Variants in SSMEM1 observed in about 807,000 individuals in gnomAD.
SSMEM1 encodes the protein serine rich single-pass membrane protein 1.
In SSMEM1, 12 loss-of-function variants were observed where a neutral mutation model predicts 9.9. The observed-to-expected ratio is 1.21, with a 90% CI of 0.78 to 1.96. The LOEUF (loss-of-function observed/expected upper bound fraction) is 1.96, where lower values mean the gene tolerates loss of function less well. Among genes scored for constraint, SSMEM1 ranks in the 30% most tolerant of loss-of-function variants. The pLI is 0.00. For missense variants in SSMEM1, 259 were observed against 292.2 expected (o/e 0.89, Z 0.83); for synonymous variants, 96 against 98.9 (o/e 0.97, Z 0.17).
Position 130,208,012 on chromosome 7 carries a change from T to A in SSMEM1, c.102T>A (p.Ser34=). Residue 34 remains serine, a synonymous_variant, in exon 1 of 3, where the codon TCT becomes TCA. Coordinates refer to ENST00000297819, the MANE Select transcript of SSMEM1 (RefSeq NM_145268.4). ...NQDYECWKDD[S]CGTIGSFLLW... Reference sequence around the variant, plus strand: ...ATTATGAATGCTGGAAGGATGACTCTTGTGGAACCATAGGGAGCTTCCTGC... The same window carrying A: ...ATTATGAATGCTGGAAGGATGACTCATGTGGAACCATAGGGAGCTTCCTGC... 1 of 1,614,120 alleles carries A rather than the reference T, an allele frequency of 6.2e-7. No individual in the cohort carries two copies. Among genetic ancestry groups the A allele is most frequent in the Non-Finnish European group, 8.5e-7 (1 of 1,179,994 alleles).
At chr7:130,206,857 G>T, upstream of SSMEM1, 1 of 195,714 alleles carries the variant, frequency 5.1e-6, no homozygotes, top group Admixed American at 6.3e-5. Flanking sequence ...GTGGTGGCAT[G>T]CGCCTGTAAT....
intron 1 of SSMEM1, among the ~76,000 whole-genome samples, chr7:130,209,576 AT>A (rs939469761): frequency 6.6e-6 from 1 of 151,912 alleles, no homozygotes; most frequent in Non-Finnish European, 1.5e-5. Context: ...GGTCTAAGCT[AT>A]TTTTTTTATT....
At chr7:130,210,497 C>G (rs1798571287) in intron 1 of SSMEM1, among the ~76,000 whole-genome samples, 1 of 152,204 alleles carries the variant, frequency 6.6e-6, no homozygotes, top group Non-Finnish European at 1.5e-5. Flanking sequence ...TGCTTTCAGA[C>G]TATAAATACT....
intron 2 of SSMEM1, among the ~76,000 whole-genome samples, chr7:130,214,595 G>C (rs973196023): frequency 6.6e-6 from 1 of 152,156 alleles, no homozygotes; most frequent in Non-Finnish European, 1.5e-5. Context: ...TGATGAACAA[G>C]TATAGTTCCA....
chr7:130,207,806 T>A (rs932692157), upstream of SSMEM1: 3 of 1,234,734 alleles, frequency 2.4e-6, no homozygotes, highest in African/African-American at 4.4e-5. Context: ...GTATGTGTCA[T>A]AATAGGTTGC....
chr7:130,215,835 C>G (rs1206442832), intron 2 of SSMEM1, 139 bp from the exon 3 acceptor site: 1 of 1,135,512 alleles, frequency 8.8e-7, no homozygotes, highest in Non-Finnish European at 1.3e-6. Context: ...GCTGCCAACA[C>G]TTGCAGGTGA....
Position 130,215,969 on chromosome 7 carries a change from G to A in SSMEM1, c.239-5G>A. The stretch of plus-strand genomic sequence containing the variant: ...ACTAACTTGATATGTTTCATTGGTT[G>A]TTAGCAAGCAAAGAGACTTCCTGTA... On this transcript the variant is annotated splice_polypyrimidine_tract_variant and splice_region_variant and intron_variant, in intron 2 of 2. Transcript: ENST00000297819. 1 of 1,612,740 alleles carries A rather than the reference G, an allele frequency of 6.2e-7. No homozygotes were observed. Among genetic ancestry groups the A allele is most frequent in the Non-Finnish European group, 8.5e-7 (1 of 1,179,362 alleles).
rs779494195 is a variant in SSMEM1, at chr7:130,213,480, A to G, written c.184A>G (p.Met62Val). ...TTACTAACCTATGTTTCTGAAACAG[A>G]TGTCTGAGGATAAAAAGGATGAAGG... The part of the protein sequence containing the change: ...LMFFSRASVW[M>V]SEDKKDEGSG... Residue 62 changes from methionine to valine, a missense_variant and splice_region_variant, in exon 2 of 3, where the codon ATG (methionine) becomes GTG (valine). Physicochemically the swap from Met to Val is conservative, Grantham distance 21. Coordinates refer to ENST00000297819, the MANE Select transcript of SSMEM1 (RefSeq NM_145268.4). 6.2e-7 allele frequency: 1 copy of G among 1,610,142 alleles called. No homozygotes were observed. The highest frequency in any genetic ancestry group is 8.5e-7 in the Non-Finnish European group (1 of 1,177,518).
upstream of SSMEM1, chr7:130,207,629 T>C: frequency 4.3e-6 from 2 of 466,134 alleles, no homozygotes; most frequent in Non-Finnish European, 7.9e-6. Flanking sequence ...GACGTGAAGA[T>C]AGGAAAATAT....
chr7:130,207,864 A>G lies in SSMEM1; in HGVS notation c.-47A>G, dbSNP rs759552553. 1.9e-6 allele frequency: 3 copies of G among 1,599,678 alleles called. No homozygotes were observed. The South Asian group carries it at 3.3e-5, about 18-fold the overall frequency. ...AGAGGGAGTGAAGTAGTTCCCAGTC[A>G]TCTTTATCCCTTTAAGCATGGTTTA... On this transcript the variant is annotated 5_prime_UTR_variant, in exon 1 of 3. Coordinates refer to ENST00000297819, the MANE Select transcript of SSMEM1 (RefSeq NM_145268.4).
In SSMEM1 at chr7:130,211,005, A is replaced by G. The variant is rs142424912; in HGVS notation, c.184-2475A>G. Among the ~76,000 whole-genome samples the G allele has an allele frequency of 5.6e-3, 854 of 152,262 alleles. 3 individuals are homozygous for G. Among genetic ancestry groups the G allele is most frequent in the Non-Finnish European group, 9.8e-3 (668 of 68,030 alleles). Reference sequence around the variant, plus strand: ...CACTCCAGATTATGTAGAAATAACCAACTACTGTTAACTTTTAGGTTTATA... The same window carrying G: ...CACTCCAGATTATGTAGAAATAACCGACTACTGTTAACTTTTAGGTTTATA... On this transcript the variant is annotated intron_variant, in intron 1 of 2. Transcript: ENST00000297819.
At chr7:130,215,169 G>T (rs1360519123) in intron 2 of SSMEM1, among the ~76,000 whole-genome samples, 4 of 152,196 alleles carry the variant, frequency 2.6e-5, no homozygotes, top group Admixed American at 2.0e-4. Flanking sequence ...GCTGTGCATG[G>T]TGGCACGTGC....
In SSMEM1 at chr7:130,213,477, C is replaced by T. The variant is rs1167187315; in HGVS notation, c.184-3C>T. The T allele has an allele frequency of 1.2e-6, 2 of 1,608,650 alleles. No homozygotes were observed. Among genetic ancestry groups the T allele is most frequent in the Non-Finnish European group, 1.7e-6 (2 of 1,176,866 alleles). ...CTCTTACTAACCTATGTTTCTGAAA[C>T]AGATGTCTGAGGATAAAAAGGATGA... On this transcript the variant is annotated splice_polypyrimidine_tract_variant and splice_region_variant and intron_variant, in intron 1 of 2. Coordinates refer to ENST00000297819, the MANE Select transcript of SSMEM1 (RefSeq NM_145268.4).
intron 1 of SSMEM1, among the ~76,000 whole-genome samples, chr7:130,212,129 G>A (rs1182002044): frequency 1.3e-5 from 2 of 152,122 alleles, no homozygotes; most frequent in African/African-American, 4.8e-5. Context: ...GTTTATATCT[G>A]TGTCTTTTGG....
At position 130,216,556 on chromosome 7, in the gene SSMEM1, CTT is replaced by C; in HGVS notation, c.*89_*90del. 2.7e-6 allele frequency: 4 copies of C among 1,466,298 alleles called. No individual in the cohort carries two copies. The highest frequency in any genetic ancestry group is 1.4e-5 in the African/African-American group (1 of 70,584). 90.8% of individuals were successfully genotyped at this position (1,466,298 alleles called of 1,614,324 possible). On this transcript the variant is annotated 3_prime_UTR_variant, in exon 3 of 3. Transcript: ENST00000297819. ...ATCACCAGAGCTATAGGTGAGGAGA[CTT>C]TTACAACAAAGTCTCTCTACCAACA... is the stretch of plus-strand genomic sequence containing the variant.
chr7:130,215,148 C>CA lies in SSMEM1; in HGVS notation c.239-819dup, dbSNP rs531148982. On this transcript the variant is annotated intron_variant, in intron 2 of 2. Coordinates refer to ENST00000297819, the MANE Select transcript of SSMEM1 (RefSeq NM_145268.4). Reference sequence around the variant, plus strand: ...CAAAACCCTGTCTCTACTAAAAATACAAAAAAATTAGCTGTGCATGGTGGC... The same window carrying CA: ...CAAAACCCTGTCTCTACTAAAAATACAAAAAAAATTAGCTGTGCATGGTGGC... 2.4e-4 allele frequency among the ~76,000 whole-genome samples: 37 copies of CA among 152,090 alleles called. No individual in the cohort carries two copies. The South Asian group carries it at 5.4e-3, about 22-fold the overall frequency.
At position 130,216,091 on chromosome 7, in the gene SSMEM1, T is replaced by G; in HGVS notation, c.356T>G (p.Leu119Trp). Residue 119 changes from leucine (L) to tryptophan (W), a missense_variant, in exon 3 of 3, where the codon TTG becomes TGG. Leu to Trp is a moderately conservative substitution (Grantham distance 61). Transcript: ENST00000297819. ...LTPVTNSEVALVNAYPEQRRA... is the reference protein window; with the variant it reads ...LTPVTNSEVAWVNAYPEQRRA... Reference sequence around the variant, plus strand: ...CCTGTAACCAACTCAGAAGTGGCTTTGGTCAATGCCTATCCTGAACAAAGA... The same window carrying G: ...CCTGTAACCAACTCAGAAGTGGCTTGGGTCAATGCCTATCCTGAACAAAGA... 6.2e-7 allele frequency: 1 copy of G among 1,614,186 alleles called. No homozygotes were observed. The highest frequency in any genetic ancestry group is 8.5e-7 in the Non-Finnish European group (1 of 1,180,028).
At chr7:130,215,472 G>C (rs1331591382) in intron 2 of SSMEM1, among the ~76,000 whole-genome samples, 2 of 152,162 alleles carry the variant, frequency 1.3e-5, no homozygotes, top group Non-Finnish European at 2.9e-5. Flanking sequence ...TTTATTGTAA[G>C]TTGGTATAAT....
rs752255615 is a variant in SSMEM1 at position 130,216,126 on chromosome 7, C to A, written c.391C>A (p.Arg131Ser). The change falls in exon 3 of 3, where the codon CGC becomes AGC. Residue 131 changes from arginine to serine, a missense_variant. Transcript: ENST00000297819. ...CTATCCTGAACAAAGACGAGCCAGG[C>A]GCCAGTCTCAGTTCAATGAGGTGAA... ...NAYPEQRRAR[R>S]QSQFNEVNQN... The A allele has an allele frequency of 1.2e-6, 2 of 1,614,138 alleles. No individual in the cohort carries two copies. The highest frequency in any genetic ancestry group is 1.3e-5 in the African/African-American group (1 of 75,022).
Sources: allele counts gnomAD v4.1 joint callset (sites outside exome capture counted in the v4.1 genomes callset), GRCh38; gene constraint gnomAD v4.1.1; transcripts MANE v1.5; gene names NCBI Gene and HGNC (gene_info 2026-07-23, HGNC 2026-07-21).